The following COL6A3 variants were observed in gnomAD, a reference collection of about 807,000 sequenced individuals.
COL6A3 encodes the protein collagen type VI alpha 3 chain.
COL6A3 carries 137 observed loss-of-function variants against 274.1 expected under a neutral mutation model. The ratio of observed to expected loss-of-function variants is 0.50; its 90% CI spans 0.44 to 0.58. The LOEUF is 0.58. COL6A3 is among the 20% of genes least tolerant of loss of function. The pLI is 0.00. For missense variants in COL6A3, 3,950 were observed against 4,124.9 expected (o/e 0.96, Z 1.16); for synonymous variants, 1,650 against 1,650.6 (o/e 1.00, Z 0.01).
intron 19 of COL6A3, 58 bp downstream of exon 19, chr2:237,359,147 GT>G: frequency 6.2e-7 from 1 of 1,613,348 alleles, no homozygotes; most frequent in Non-Finnish European, 8.5e-7. Flanking sequence ...AGACTGAGTT[GT>G]TAGTTTCTGG....
Position 237,329,008 on chromosome 2 carries a change from G to A in COL6A3, c.9329-3284C>T, listed in dbSNP as rs551689562. On this transcript the variant is annotated intron_variant, in intron 42 of 43. Coordinates refer to ENST00000295550, the MANE Select transcript of COL6A3 (RefSeq NM_004369.4). ...TCCGCCGTCTACATTTTGAGCATTG[G>A]TCAGTTCAAAGGGTACCAAGGAAAC... is the stretch of plus-strand genomic sequence containing the variant. 5.9e-5 allele frequency: 9 copies of A among 152,278 alleles called. 1 individual carries two copies. The South Asian group carries it at 1.9e-3, about 32-fold the overall frequency. 9.4% of individuals were successfully genotyped at this position (152,278 alleles called of 1,614,324 possible).
intron 1 of COL6A3, among the ~76,000 whole-genome samples, chr2:237,401,481 T>C (rs1397518875): frequency 6.6e-6 from 1 of 151,864 alleles, no homozygotes; most frequent in Non-Finnish European, 1.5e-5. Context: ...TTTGCAATTA[T>C]GAAATTGATT....
At chr2:237,336,927 A>G (rs1700582662) in intron 39 of COL6A3, among the ~76,000 whole-genome samples, 1 of 152,260 alleles carries the variant, frequency 6.6e-6, no homozygotes, top group African/African-American at 2.4e-5. Flanking sequence ...CATTATAAGA[A>G]AATATCCACT....
chr2:237,394,653 A>G lies in COL6A3; in HGVS notation c.643T>C (p.Ser215Pro). 6.2e-7 allele frequency: 1 copy of G among 1,614,222 alleles called. No individual in the cohort carries two copies. Among genetic ancestry groups the G allele is most frequent in the Non-Finnish European group, 8.5e-7 (1 of 1,180,034 alleles). The change falls in exon 3 of 44, where the codon TCC becomes CCC. Residue 215 changes from serine (S) to proline (P), a missense_variant. By Grantham distance (74) the Ser-to-Pro change is moderately conservative (BLOSUM62 -1). Around this residue, in one of 5 missense-constraint regions of COL6A3, gnomAD observed 1,934 missense variants for 1,984.3 expected, o/e 0.97. Coordinates refer to ENST00000295550, the MANE Select transcript of COL6A3 (RefSeq NM_004369.4). The stretch of plus-strand genomic sequence containing the variant: ...GGACTCACGGATGAATGCACACAGG[A>G]CACTAAGTTTCCTACTATGTCATGA... ...SLHDIVGNLV[S>P]CVHSSVSPER...
intron 12 of COL6A3, 59 bp downstream of exon 12, chr2:237,365,638 CT>C: frequency 6.8e-7 from 1 of 1,478,970 alleles, no homozygotes; most frequent in Non-Finnish European, 9.5e-7. Flanking sequence ...GGGCTTCCTC[CT>C]TTCCAGTAAA....
In COL6A3 at chr2:237,348,349, C is replaced by A. The variant is rs1172883314; in HGVS notation, c.6966G>T (p.Lys2322Asn). The A allele has an allele frequency of 1.2e-6, 2 of 1,608,084 alleles. No homozygotes were observed. Among genetic ancestry groups the A allele is most frequent in the Non-Finnish European group, 1.7e-6 (2 of 1,174,660 alleles). The change falls in exon 30 of 44, where the codon AAG becomes AAT. Residue 2322 changes from lysine (K) to asparagine (N), a missense_variant and splice_region_variant. Transcript: ENST00000295550. ...GCTTCACCGACCAGGGATTATTTACCTTTGGTCCTGGGTATCCAGGGAATC... is the reference window on the plus strand; with the variant it reads ...GCTTCACCGACCAGGGATTATTTACATTTGGTCCTGGGTATCCAGGGAATC... The part of the protein sequence containing the change: ...ERGFPGYPGP[K>N]GNPGEPGLNG...
rs78854268 is a variant in COL6A3 at position 237,356,107 on chromosome 2, C to T, written c.6592-1173G>A. Among the ~76,000 whole-genome samples, 643 of 152,274 alleles carry T rather than the reference C, an allele frequency of 4.2e-3. 4 individuals carry two copies. The highest frequency in any genetic ancestry group is 0.015 in the African/African-American group (615 of 41,556). ...AGGAAGAACTGAGTCCTCAAGAGCC[C>T]GTGACTGAAACCGAATTCAAATCCA... On this transcript the variant is annotated intron_variant, in intron 23 of 43. Coordinates refer to ENST00000295550, the MANE Select transcript of COL6A3 (RefSeq NM_004369.4).
At position 237,344,772 on chromosome 2, in the gene COL6A3, C is replaced by T. The variant is rs1292502684; in HGVS notation, c.7246G>A (p.Asp2416Asn). ...ALDTSEGVNQ[D>N]TFGRMRDVVL... is the part of the protein sequence containing the mutation. ...ACATCTCGCATCCGGCCGAAAGTGT[C>T]TTGGTTGACTCCCTCAGAGGTGTCT... The change falls in exon 36 of 44, where the codon GAC (aspartate) becomes AAC (asparagine). Residue 2416 changes from aspartate to asparagine, a missense_variant. Coordinates refer to ENST00000295550, the MANE Select transcript of COL6A3 (RefSeq NM_004369.4). This position sits in a 1 kb window ranked among gnomAD's most constrained non-coding sequence, Gnocchi z 4.8. 1.2e-6 allele frequency: 2 copies of T among 1,603,990 alleles called. No homozygotes were observed. The highest frequency in any genetic ancestry group is 2.2e-5 in the East Asian group (1 of 44,754).
chr2:237,374,307 C>T lies in COL6A3; in HGVS notation c.3679+105G>A. On this transcript the variant is annotated intron_variant, in intron 8 of 43. Coordinates refer to ENST00000295550, the MANE Select transcript of COL6A3 (RefSeq NM_004369.4). This position sits in a 1 kb window ranked among gnomAD's most constrained non-coding sequence, Gnocchi z 4.8. The stretch of plus-strand genomic sequence containing the variant: ...TTTCCTGTAATTTTAGTTTTCACTT[C>T]ACATGGCAGGAAAAGCAAAATTGAG... The T allele has an allele frequency of 2.0e-6, 3 of 1,533,994 alleles. No individual in the cohort carries two copies. The highest frequency in any genetic ancestry group is 3.4e-5 in the Admixed American group (2 of 59,496).
Position 237,368,508 on chromosome 2 carries a change from CT to C in COL6A3, c.4900+54del. 6.3e-7 allele frequency: 1 copy of C among 1,590,304 alleles called. No homozygotes were observed. The highest frequency in any genetic ancestry group is 1.1e-5 in the South Asian group (1 of 87,582). ...AAATGACTACTGATTACTTTTTTAA[CT>C]AAAAAAAAAATGTTGATGTCACACT... On this transcript the variant is annotated intron_variant, in intron 10 of 43. Transcript: ENST00000295550. This position sits in a 1 kb window ranked among gnomAD's most constrained non-coding sequence, Gnocchi z 4.4.
chr2:237,336,931 A>G (rs1429496272), intron 39 of COL6A3, among the ~76,000 whole-genome samples: 1 of 152,228 alleles, frequency 6.6e-6, no homozygotes, highest in African/African-American at 2.4e-5. Context: ...ATAAGAAAAT[A>G]TCCACTCAAT....
chr2:237,367,322 G>C (rs913521031), intron 10 of COL6A3, 36 bp from the exon 11 acceptor site: 1 of 1,596,288 alleles, frequency 6.3e-7, no homozygotes, highest in Non-Finnish European at 8.5e-7. Context: ...GGAGAGATTA[G>C]GTTTCCAGAC....
chr2:237,369,852 T>A (rs942840688), intron 9 of COL6A3, among the ~76,000 whole-genome samples: 1 of 152,004 alleles, frequency 6.6e-6, no homozygotes, highest in Non-Finnish European at 1.5e-5. Context: ...TTTTTTTTTT[T>A]TCTGAGACAT....
rs984056484 is a variant in COL6A3 at position 237,341,097 on chromosome 2, T to C, written c.7819A>G (p.Arg2607Gly). 3.7e-6 allele frequency: 6 copies of C among 1,614,194 alleles called. No homozygotes were observed. The highest frequency in any genetic ancestry group is 2.2e-5 in the East Asian group (1 of 44,880). The change falls in exon 38 of 44, where the codon AGG becomes GGG. Residue 2607 changes from arginine to glycine, a missense_variant. Arg to Gly is a moderately radical substitution (Grantham distance 125). Transcript: ENST00000295550. ...CGFGSWRPSF[R>G]DRRAAGSDVD... The stretch of plus-strand genomic sequence containing the variant: ...TCGCTCCCTGCCGCTCTCCTGTCCC[T>C]GAAGGAAGGCCTCCAACTGCCAAAT...
Position 237,407,160 on chromosome 2 carries a change from C to T in COL6A3, c.-31+6793G>A, listed in dbSNP as rs1016166319. ...CTCTTGGGCTCAAGGGATCCTCCTG[C>T]CCTGGCCTCCCAATGTGCTGGGATT... On this transcript the variant is annotated intron_variant, in intron 1 of 43. Coordinates refer to ENST00000295550, the MANE Select transcript of COL6A3 (RefSeq NM_004369.4). The surrounding 1 kb of genome is among the most constrained non-coding windows in gnomAD (Gnocchi z 4.3). Among the ~76,000 whole-genome samples, 2 of 152,114 alleles carry T rather than the reference C, an allele frequency of 1.3e-5. No homozygotes were observed. Among genetic ancestry groups the T allele is most frequent in the African/African-American group, 4.8e-5 (2 of 41,414 alleles).
Position 237,366,747 on chromosome 2 carries a change from C to G in COL6A3, c.5440G>C (p.Glu1814Gln). The part of the protein sequence containing the change: ...ELSELSEQVL[E>Q]TLHDAMHETL... ...TCATGCATCGCATCATGCAAAGTTT[C>G]CAAAACTTGCTCGCTCAGTTCGGAC... The change falls in exon 11 of 44, where the codon GAA becomes CAA. Residue 1814 changes from glutamate (E) to glutamine (Q), a missense_variant. Glu to Gln is a conservative substitution (Grantham distance 29). This residue lies in a region of COL6A3 where 632 missense variants were observed against 623.4 expected (regional missense o/e 1.01). Coordinates refer to ENST00000295550, the MANE Select transcript of COL6A3 (RefSeq NM_004369.4). 1.9e-6 allele frequency: 3 copies of G among 1,614,292 alleles called. No homozygotes were observed. Among genetic ancestry groups the G allele is most frequent in the Non-Finnish European group, 2.5e-6 (3 of 1,180,058 alleles).
rs2077597524 is a variant in COL6A3, at chr2:237,368,137, G to A, written c.4900+426C>T. Among the ~76,000 whole-genome samples, 2 of 152,200 alleles carry A rather than the reference G, an allele frequency of 1.3e-5. No homozygotes were observed. Among genetic ancestry groups the A allele is most frequent in the African/African-American group, 4.8e-5 (2 of 41,440 alleles). On this transcript the variant is annotated intron_variant, in intron 10 of 43. Coordinates refer to ENST00000295550, the MANE Select transcript of COL6A3 (RefSeq NM_004369.4). This position sits in a 1 kb window ranked among gnomAD's most constrained non-coding sequence, Gnocchi z 4.4. ...GGGGTAGAAGCTGAGGTGGACGACTGCAAGTCTTCCAGGAAGGTGCTCCCT... is the reference window on the plus strand; with the variant it reads ...GGGGTAGAAGCTGAGGTGGACGACTACAAGTCTTCCAGGAAGGTGCTCCCT...
chr2:237,325,360 A>G (rs1404301897), intron 43 of COL6A3, among the ~76,000 whole-genome samples, 200 bp downstream of exon 43: 1 of 152,228 alleles, frequency 6.6e-6, no homozygotes, highest in Admixed American at 6.5e-5. Context: ...ACAAGGGACA[A>G]TATGTTTTTA....
chr2:237,373,637 T>A (rs1223621961), intron 8 of COL6A3, among the ~76,000 whole-genome samples: 1 of 152,152 alleles, frequency 6.6e-6, no homozygotes, highest in Non-Finnish European at 1.5e-5. Flanking sequence ...TCTCTCCTCT[T>A]GGAAGAGCAG....
Sources: gnomAD v4.1 joint callset for allele counts (sites outside exome capture counted in the v4.1 genomes callset) on GRCh38, gnomAD v4.1.1 for gene constraint, gnomAD v4.1.1 regional missense constraint, Gnocchi (gnomAD v3.1) non-coding constraint, MANE v1.5 for transcripts, NCBI Gene and HGNC (gene_info 2026-07-23, HGNC 2026-07-21) for gene names.